SRP19: variants seen among roughly 807,000 people sequenced by gnomAD.
SRP19 encodes the protein signal recognition particle 19 kDa protein.
SRP19 carries 11 observed loss-of-function variants against 22.4 expected under a neutral mutation model. The ratio of observed to expected loss-of-function variants is 0.49; its 90% CI spans 0.31 to 0.81. SRP19 has a LOEUF of 0.81. Ranked by LOEUF, SRP19 falls within the 40% of genes least tolerant of loss-of-function variation. The pLI is 0.05. For synonymous variants in SRP19, 61 were observed against 57.6 expected, an observed-to-expected ratio of 1.06 and a Z score of -0.27; for missense variants, 168 against 175.9, an observed-to-expected ratio of 0.96 and a Z score of 0.25.
At chr5:112,861,627 A>G (rs1473355988) in intron 1 of SRP19, among the ~76,000 whole-genome samples, 1 of 152,236 alleles carries the variant, frequency 6.6e-6, no homozygotes, top group African/African-American at 2.4e-5. Flanking sequence ...AATTCCGACC[A>G]TAGGTAGCCT....
chr5:112,872,166 AC>A (rs1767773948), downstream of SRP19, among the ~76,000 whole-genome samples: 1 of 152,208 alleles, frequency 6.6e-6, no homozygotes, highest in East Asian at 1.9e-4. Flanking sequence ...TTTACATTAT[AC>A]ATTCTGTTCA....
At chr5:112,873,311 A>T (rs1201114259), downstream of SRP19, among the ~76,000 whole-genome samples, 131 of 21,144 alleles carry the variant, frequency 6.2e-3, no homozygotes, top group African/African-American at 7.7e-3. Context: ...CTTTATTTAG[A>T]TTTGCTCAGC....
chr5:112,878,589 G>A (rs1804196), intron 4 of SRP19: 3 of 723,304 alleles, frequency 4.1e-6, no homozygotes, highest in South Asian at 5.0e-5. Context: ...ACTGCCCACT[G>A]CATTAAGTTT....
downstream of SRP19, among the ~76,000 whole-genome samples, chr5:112,873,841 A>G (rs1220794337): frequency 2.0e-5 from 3 of 151,790 alleles, no homozygotes; most frequent in Non-Finnish European, 4.4e-5. Flanking sequence ...GCTGGTTTTT[A>G]AGATAGAAGG....
exon 5 of SRP19, chr5:112,892,467 T>A: frequency 6.2e-7 from 1 of 1,614,148 alleles, no homozygotes; most frequent in Non-Finnish European, 8.5e-7. Context: ...GCAATGTATA[T>A]GTTCAGTACC....
At chr5:112,864,963 G>C in intron 4 of SRP19, 1 of 353,496 alleles carries the variant, frequency 2.8e-6, no homozygotes, top group Non-Finnish European at 5.1e-6. Context: ...ATTGTTGTGT[G>C]AACATTTTAT....
intron 1 of SRP19, 112 bp from the exon 2 acceptor site, chr5:112,862,396 A>G: frequency 1.2e-6 from 1 of 858,230 alleles, no homozygotes. Context: ...AAAAGGGAGT[A>G]CCCATCTGAT....
intron 4 of SRP19, chr5:112,878,771 T>G: frequency 1.2e-6 from 2 of 1,614,114 alleles, no homozygotes; most frequent in Non-Finnish European, 1.7e-6. Flanking sequence ...GCAGGAAGTT[T>G]CCATCCAGTC....
downstream of SRP19, among the ~76,000 whole-genome samples, chr5:112,873,953 C>T (rs1330705286): frequency 6.6e-6 from 1 of 151,768 alleles, no homozygotes; most frequent in African/African-American, 2.4e-5. Context: ...CACTTGAACC[C>T]AGGACTTCAA....
intron 4 of SRP19, among the ~76,000 whole-genome samples, chr5:112,883,419 A>G (rs1258427056): frequency 6.6e-6 from 1 of 152,200 alleles, no homozygotes; most frequent in African/African-American, 2.4e-5. Context: ...TCTCTGAAAG[A>G]AAAACTTTCT....
chr5:112,897,253 C>T (rs1768713245), downstream of SRP19: 1 of 151,712 alleles, frequency 6.6e-6, no homozygotes, highest in South Asian at 2.1e-4. Flanking sequence ...TATTTATATA[C>T]ACAGACCAAT....
At chr5:112,861,568 G>C in intron 1 of SRP19, 151 bp downstream of exon 1, 1 of 784,402 alleles carries the variant, frequency 1.3e-6, no homozygotes, top group Middle Eastern at 4.0e-4. Context: ...CTGGCAGCTC[G>C]TTTTTCTGAA....
At chr5:112,883,459 A>G (rs540498151) in intron 4 of SRP19, among the ~76,000 whole-genome samples, 2 of 152,232 alleles carry the variant, frequency 1.3e-5, no homozygotes, top group South Asian at 2.1e-4. Context: ...CCACACGCTC[A>G]TGGTTTTCTT....
Position 112,867,791 on chromosome 5 carries a change from G to T in SRP19, c.*254G>T, listed in dbSNP as rs1767657485. On this transcript the variant is annotated 3_prime_UTR_variant, in exon 5 of 5. Transcript: ENST00000505459. ...TTTTTGGAAGAAAATATTTTTAAATGGACAATGGACTGTACAATAAGTTAC... is the reference window on the plus strand; with the variant it reads ...TTTTTGGAAGAAAATATTTTTAAATTGACAATGGACTGTACAATAAGTTAC... 1.7e-6 allele frequency: 2 copies of T among 1,183,842 alleles called. No individual in the cohort carries two copies. Among genetic ancestry groups the T allele is most frequent in the Admixed American group, 8.2e-5 (2 of 24,492 alleles). The allele number at this position is 1,183,842 out of a possible 1,614,324, so 73.3% of individuals were successfully genotyped here.
chr5:112,871,489 G>T (rs1767759094), downstream of SRP19, among the ~76,000 whole-genome samples: 1 of 151,926 alleles, frequency 6.6e-6, no homozygotes, highest in African/African-American at 2.4e-5. Flanking sequence ...GTGTGGTGTG[G>T]CTCATGCCTG....
downstream of SRP19, chr5:112,896,093 G>C (rs1344285771): frequency 6.5e-6 from 1 of 152,672 alleles, no homozygotes; most frequent in Admixed American, 6.5e-5. Context: ...GAGAGTTAAT[G>C]TCAGAAGAAA....
chr5:112,892,217 C>A, exon 5 of SRP19: 3 of 1,614,090 alleles, frequency 1.9e-6, no homozygotes, highest in Non-Finnish European at 2.5e-6. Context: ...GACAGATGTT[C>A]ACGTAAACAT....
At chr5:112,872,322 CTTT>C (rs759571945), downstream of SRP19, among the ~76,000 whole-genome samples, 38 of 92,690 alleles carry the variant, frequency 4.1e-4, no homozygotes, top group South Asian at 8.6e-4. Context: ...CCAAATGATT[CTTT>C]TTTTTTTTTT....
downstream of SRP19, among the ~76,000 whole-genome samples, chr5:112,870,789 C>G (rs75315523): frequency 0.052 from 7,891 of 152,224 alleles, 512 homozygotes; most frequent in East Asian, 0.16. Flanking sequence ...TCTTTGTCCT[C>G]TCACCTTCCA....
Sources: allele counts gnomAD v4.1 joint callset (sites outside exome capture counted in the v4.1 genomes callset), GRCh38; gene constraint gnomAD v4.1.1; transcripts MANE v1.5; gene names NCBI Gene and HGNC (gene_info 2026-07-23, HGNC 2026-07-21).